The following AKR1A1 variants were observed in gnomAD, a reference collection of about 807,000 sequenced individuals.
AKR1A1 encodes the protein aldo-keto reductase family 1 member A1.
AKR1A1 carries 26 observed loss-of-function variants against 39.2 expected under a neutral mutation model. The ratio of observed to expected loss-of-function variants is 0.66; its 90% CI spans 0.49 to 0.92. AKR1A1 has a LOEUF of 0.92. Among genes scored for constraint, AKR1A1 ranks in the 40% least tolerant of loss-of-function variants. The pLI is 0.00. For missense variants in AKR1A1, 378 were observed against 406.5 expected (o/e 0.93, Z 0.60); for synonymous variants, 141 against 155.5 (o/e 0.91, Z 0.69).
At chr1:45,551,391 G>C (rs1228166643) in intron 1 of AKR1A1, among the ~76,000 whole-genome samples, 1 of 152,242 alleles carries the variant, frequency 6.6e-6, no homozygotes, top group African/African-American at 2.4e-5. Flanking sequence ...ACTGTAGCAA[G>C]AATTGAGATA....
intron 2 of AKR1A1, among the ~76,000 whole-genome samples, chr1:45,564,903 A>G (rs1367427027): frequency 6.6e-6 from 1 of 151,596 alleles, no homozygotes; most frequent in Non-Finnish European, 1.5e-5. Flanking sequence ...CCTCACTGCA[A>G]GCTCCGCCTC....
chr1:45,552,879 C>G (rs549912161), intron 1 of AKR1A1, among the ~76,000 whole-genome samples: 2 of 152,150 alleles, frequency 1.3e-5, no homozygotes, highest in Admixed American at 1.3e-4. Context: ...AATCCCAGCA[C>G]TTTGGGAGGC....
At position 45,564,805 on chromosome 1, in the gene AKR1A1, T is replaced by C. The variant is rs528151; in HGVS notation, c.85-1764T>C. On this transcript the variant is annotated intron_variant, in intron 2 of 8. Transcript: ENST00000351829. ...TATTTATTTTTGAAAATTTTTAAAT[T>C]TTTATTTATTTATTTATTTATTTAA... is the stretch of plus-strand genomic sequence containing the variant. Among the ~76,000 whole-genome samples, 192 of 151,562 alleles carry C rather than the reference T, an allele frequency of 1.3e-3. 9 individuals are homozygous for C. The highest frequency in any genetic ancestry group is 4.5e-3 in the African/African-American group (186 of 41,492).
intron 1 of AKR1A1, among the ~76,000 whole-genome samples, chr1:45,556,073 T>C (rs1644198513): frequency 6.6e-6 from 1 of 152,106 alleles, no homozygotes; most frequent in Non-Finnish European, 1.5e-5. Flanking sequence ...GAGAGGCCCA[T>C]GCAGCTAGGA....
rs757388745 is a variant in AKR1A1, at chr1:45,568,072, A to G, written c.447A>G (p.Ala149=). 8.1e-6 allele frequency: 13 copies of G among 1,613,976 alleles called. No individual in the cohort carries two copies. The highest frequency in any genetic ancestry group is 1.0e-5 in the Non-Finnish European group (12 of 1,180,044). The change falls in exon 5 of 9, where the codon GCA becomes GCG. Residue 149 remains alanine (A), a synonymous_variant. Transcript: ENST00000351829. ...HYKETWKALE[A]LVAKGLVQAL... is the part of the protein sequence containing the mutation. ...AGGAGACTTGGAAGGCTCTGGAGGC[A>G]CTGGTGGCTAAGGGGCTGGTGCAGG...
At position 45,569,977 on chromosome 1, in the gene AKR1A1, C is replaced by T. The variant is rs1408843542; in HGVS notation, c.*21C>T. ...ACTGAGACCACAGCTTCTTGGCCTC[C>T]CTTCCAGCTCTGCAGCTAATGAGGT... On this transcript the variant is annotated 3_prime_UTR_variant, in exon 9 of 9. Transcript: ENST00000351829. 2 of 1,610,454 alleles carry T rather than the reference C, an allele frequency of 1.2e-6. No homozygotes were observed.
At chr1:45,561,746 C>T in intron 1 of AKR1A1, 43 bp from the exon 2 acceptor site, 1 of 1,589,216 alleles carries the variant, frequency 6.3e-7, no homozygotes, top group East Asian at 2.2e-5. Context: ...ACCTGAACAA[C>T]AGCACTAACC....
intron 4 of AKR1A1, 129 bp from the exon 5 acceptor site, chr1:45,567,853 G>A: frequency 1.1e-6 from 1 of 871,622 alleles, no homozygotes; most frequent in Admixed American, 3.0e-5. Context: ...AAAAAGCATG[G>A]CTTTTTAAAA....
At chr1:45,565,692 C>T (rs1644333020) in intron 2 of AKR1A1, among the ~76,000 whole-genome samples, 1 of 151,900 alleles carries the variant, frequency 6.6e-6, no homozygotes, top group Admixed American at 6.6e-5. Flanking sequence ...CCAGGCTGGT[C>T]TCAAACCCCT....
intron 1 of AKR1A1, among the ~76,000 whole-genome samples, chr1:45,559,486 C>A (rs1487169246): frequency 6.6e-6 from 1 of 152,104 alleles, no homozygotes; most frequent in African/African-American, 2.4e-5. Flanking sequence ...AAACCAGTGT[C>A]AATATTTCTT....
intron 1 of AKR1A1, among the ~76,000 whole-genome samples, chr1:45,553,048 C>A (rs4660876): frequency 0.47 from 71,430 of 150,878 alleles, 17,053 homozygotes; most frequent in East Asian, 0.62. Flanking sequence ...TCACTTGAAC[C>A]CGGGAAGCAG....
At chr1:45,552,327 T>C (rs1379455161) in intron 1 of AKR1A1, 1 of 151,672 alleles carries the variant, frequency 6.6e-6, no homozygotes. Flanking sequence ...TACATGCCAC[T>C]GTGCCCAGTT....
chr1:45,553,628 A>C (rs1473140077), intron 1 of AKR1A1, among the ~76,000 whole-genome samples: 1 of 152,200 alleles, frequency 6.6e-6, no homozygotes, highest in Non-Finnish European at 1.5e-5. Flanking sequence ...ACAAGATTTA[A>C]AACCCAGCTA....
Position 45,554,075 on chromosome 1 carries a change from G to C in AKR1A1, c.-7+2920G>C, listed in dbSNP as rs1044187468. ...CCAGCACTTTAGGAGGCCAAGGTGG[G>C]AGGGTCACTTGAGGCTAGAAGTTTG... On this transcript the variant is annotated intron_variant, in intron 1 of 8. Transcript: ENST00000351829. Among the ~76,000 whole-genome samples, 7 of 152,178 alleles carry C rather than the reference G, an allele frequency of 4.6e-5. No individual in the cohort carries two copies. In the South Asian group the frequency reaches 8.3e-4, roughly 18 times the overall value.
rs1038743170 is a variant in AKR1A1, at chr1:45,568,648, A to G, written c.716A>G (p.Glu239Gly). ...GAACCAGTAGTCCTGGCATTGGCTG[A>G]AAAGTATGGCCGATCTCCAGCTCAG... ...LEEPVVLALAEKYGRSPAQIL... is the reference protein window; with the variant it reads ...LEEPVVLALAGKYGRSPAQIL... The change falls in exon 6 of 9, where the codon GAA becomes GGA. Residue 239 changes from glutamate (E) to glycine (G), a missense_variant. Glu to Gly is a moderately conservative substitution (Grantham distance 98). Coordinates refer to ENST00000351829, the MANE Select transcript of AKR1A1 (RefSeq NM_153326.3). 1 of 1,613,658 alleles carries G rather than the reference A, an allele frequency of 6.2e-7. No homozygotes were observed. Among genetic ancestry groups the G allele is most frequent in the Admixed American group, 1.7e-5 (1 of 59,988 alleles).
chr1:45,567,111 T>C lies in AKR1A1; in HGVS notation c.356+91T>C, dbSNP rs530316244. On this transcript the variant is annotated intron_variant, in intron 4 of 8. Coordinates refer to ENST00000351829, the MANE Select transcript of AKR1A1 (RefSeq NM_153326.3). Reference sequence around the variant, plus strand: ...TGTAAGTCACAGCAGCAGAGCAGGATAGGAACACTCATTTGCATGCCAAGC... The same window carrying C: ...TGTAAGTCACAGCAGCAGAGCAGGACAGGAACACTCATTTGCATGCCAAGC... 37 of 1,508,190 alleles carry C rather than the reference T, an allele frequency of 2.5e-5. No individual in the cohort carries two copies. In the South Asian group the frequency reaches 4.5e-4, roughly 18 times the overall value. 93.4% of individuals were successfully genotyped at this position (1,508,190 alleles called of 1,614,324 possible).
At chr1:45,553,420 CA>C (rs11447675) in intron 1 of AKR1A1, among the ~76,000 whole-genome samples, 2 of 147,644 alleles carry the variant, frequency 1.4e-5, no homozygotes, top group African/African-American at 2.5e-5. Flanking sequence ...GACTCTGTCT[CA>C]AAAAAAAAAG....
intron 1 of AKR1A1, among the ~76,000 whole-genome samples, chr1:45,558,286 T>C (rs1405961667): frequency 6.6e-6 from 1 of 151,988 alleles, no homozygotes; most frequent in Non-Finnish European, 1.5e-5. Flanking sequence ...TGGAGTGCAG[T>C]GGCACTATAT....
chr1:45,562,007 T>C, intron 2 of AKR1A1, 129 bp downstream of exon 2: 1 of 884,914 alleles, frequency 1.1e-6, no homozygotes, highest in Non-Finnish European at 1.8e-6. Flanking sequence ...ACACCAATTA[T>C]ACATCCTGGG....
Sources: gnomAD v4.1 joint callset for allele counts (sites outside exome capture counted in the v4.1 genomes callset) on GRCh38, gnomAD v4.1.1 for gene constraint, MANE v1.5 for transcripts, NCBI Gene and HGNC (gene_info 2026-07-23, HGNC 2026-07-21) for gene names.